PPP2R2C: variants seen among roughly 807,000 people sequenced by gnomAD.
PPP2R2C encodes the protein protein phosphatase 2 regulatory subunit Bgamma, also known as protein phosphatase 2, regulatory subunit B, gamma.
PPP2R2C carries 10 observed loss-of-function variants against 45.3 expected under a neutral mutation model. The ratio of observed to expected loss-of-function variants is 0.22; its 90% CI spans 0.14 to 0.37. PPP2R2C has a LOEUF of 0.37. PPP2R2C is among the 10% of genes least tolerant of loss of function. The pLI is 1.00. For synonymous variants in PPP2R2C, 257 were observed against 245.4 expected (o/e 1.05, Z -0.44); for missense variants, 308 against 619.7 (o/e 0.50, Z 5.34).
At position 6,332,200 on chromosome 4, in the gene PPP2R2C, G is replaced by A. The variant is rs866431975; in HGVS notation, c.960+1362C>T. ...GTGACCGGACAAGGGGCCGGAGGGG[G>A]TTGGAAATGTTCATTTCCCTGAGCT... On this transcript the variant is annotated intron_variant, in intron 7 of 8. Transcript: ENST00000382599. The surrounding 1 kb of genome is among the most constrained non-coding windows in gnomAD (Gnocchi z 4.9). Among the ~76,000 whole-genome samples, 54 of 152,320 alleles carry A rather than the reference G, an allele frequency of 3.5e-4. 1 individual carries two copies. Among genetic ancestry groups the A allele is most frequent in the Middle Eastern group, 3.4e-3 (1 of 294 alleles).
At chr4:6,355,295 A>C (rs987569192) in intron 5 of PPP2R2C, among the ~76,000 whole-genome samples, 1 of 152,140 alleles carries the variant, frequency 6.6e-6, no homozygotes. Flanking sequence ...AGCAGCTGTT[A>C]AAGTTGAGAT....
intron 1 of PPP2R2C, among the ~76,000 whole-genome samples, chr4:6,423,868 G>A (rs1438384471): frequency 6.6e-6 from 1 of 151,846 alleles, no homozygotes; most frequent in East Asian, 1.9e-4. Context: ...GCCCTTGTGT[G>A]TTTTAAGTTA....
chr4:6,421,241 G>T, intron 1 of PPP2R2C: 1 of 584,104 alleles, frequency 1.7e-6, no homozygotes, highest in Non-Finnish European at 2.2e-6. Context: ...AGTCAGGGCT[G>T]TGCATTCAAT....
chr4:6,422,973 AC>A (rs1317451414), intron 1 of PPP2R2C, among the ~76,000 whole-genome samples: 2 of 152,090 alleles, frequency 1.3e-5, no homozygotes, highest in Non-Finnish European at 2.9e-5. Flanking sequence ...TTCTACATGC[AC>A]CAACCCAATC....
At chr4:6,438,355 C>T (rs1272351078) in intron 1 of PPP2R2C, among the ~76,000 whole-genome samples, 1 of 152,198 alleles carries the variant, frequency 6.6e-6, no homozygotes, top group African/African-American at 2.4e-5. Flanking sequence ...AATGGCTGAA[C>T]ATCAAGCCTC....
At chr4:6,403,695 T>G (rs1717598613) in intron 1 of PPP2R2C, among the ~76,000 whole-genome samples, 1 of 152,026 alleles carries the variant, frequency 6.6e-6, no homozygotes, top group Non-Finnish European at 1.5e-5. Flanking sequence ...AAACCCCGCC[T>G]CTACTAAAAA....
At position 6,368,980 on chromosome 4, in the gene PPP2R2C, G is replaced by A. The variant is rs1222524437; in HGVS notation, c.625+3543C>T. Among the ~76,000 whole-genome samples, 4 of 152,132 alleles carry A rather than the reference G, an allele frequency of 2.6e-5. No individual in the cohort carries two copies. Among genetic ancestry groups the A allele is most frequent in the African/African-American group, 9.7e-5 (4 of 41,426 alleles). ...GTAATGTAATATAGATGCAGACGGG[G>A]AGACAGGATTCAATCCTTCTGATGA... On this transcript the variant is annotated intron_variant, in intron 5 of 8. Coordinates refer to ENST00000382599, the MANE Select transcript of PPP2R2C (RefSeq NM_020416.4). The surrounding 1 kb of genome is among the most constrained non-coding windows in gnomAD (Gnocchi z 4.2).
At chr4:6,511,729 G>A (rs62644668) in intron 2 of PPP2R2C, among the ~76,000 whole-genome samples, 8 of 24,926 alleles carry the variant, frequency 3.2e-4, no homozygotes, top group Non-Finnish European at 5.9e-4. Context: ...GGTGATGGTG[G>A]TGGAGGTGAT....
chr4:6,374,135 G>A (rs1275714329), intron 4 of PPP2R2C, among the ~76,000 whole-genome samples: 1 of 152,086 alleles, frequency 6.6e-6, no homozygotes, highest in Admixed American at 6.6e-5. Flanking sequence ...GCCCACCCTG[G>A]GGATCCCTGG....
intron 6 of PPP2R2C, among the ~76,000 whole-genome samples, chr4:6,346,440 C>T (rs975028151): frequency 7.2e-5 from 11 of 152,162 alleles, no homozygotes; most frequent in South Asian, 2.1e-4. Flanking sequence ...TCCCTGACCC[C>T]CTCTGTCCCT....
upstream of PPP2R2C, among the ~76,000 whole-genome samples, chr4:6,477,497 C>T (rs1049118001): frequency 3.9e-5 from 6 of 151,996 alleles, no homozygotes; most frequent in African/African-American, 7.2e-5. Context: ...GAGGCTGAGG[C>T]GGGTGGATCA....
intron 5 of PPP2R2C, among the ~76,000 whole-genome samples, chr4:6,352,313 C>T (rs1712640916): frequency 6.6e-6 from 1 of 152,148 alleles, no homozygotes; most frequent in African/African-American, 2.4e-5. Context: ...TCCCCATCTG[C>T]AAAATGAGGG....
chr4:6,536,957 C>G (rs561005135), intron 1 of PPP2R2C, among the ~76,000 whole-genome samples: 1 of 152,150 alleles, frequency 6.6e-6, no homozygotes, highest in African/African-American at 2.4e-5. Flanking sequence ...AATCCCAGCA[C>G]TTTGGGAGGC....
At chr4:6,502,491 C>T (rs1479372246) in intron 2 of PPP2R2C, among the ~76,000 whole-genome samples, 1 of 151,878 alleles carries the variant, frequency 6.6e-6, no homozygotes, top group African/African-American at 2.4e-5. Context: ...CCCTCTGTCC[C>T]TCCCTTTTTC....
chr4:6,338,020 G>T (rs1051701730), intron 6 of PPP2R2C, among the ~76,000 whole-genome samples: 1 of 151,734 alleles, frequency 6.6e-6, no homozygotes, highest in African/African-American at 2.4e-5. Context: ...CCCCGAGTAC[G>T]CACGCAAACA....
At chr4:6,465,265 AATAAG>A (rs1721535298) in intron 1 of PPP2R2C, among the ~76,000 whole-genome samples, 3 of 152,166 alleles carry the variant, frequency 2.0e-5, no homozygotes, top group Admixed American at 1.3e-4. Context: ...TAGCTTGTAA[AATAAG>A]ATAACTGTTG....
intron 2 of PPP2R2C, among the ~76,000 whole-genome samples, chr4:6,504,201 A>C (rs1723149855): frequency 6.6e-6 from 1 of 152,224 alleles, no homozygotes; most frequent in Non-Finnish European, 1.5e-5. Context: ...TATGAAGTCA[A>C]CCCAGATCTC....
At position 6,425,422 on chromosome 4, in the gene PPP2R2C, C is replaced by T. The variant is rs138780979; in HGVS notation, c.71-44328G>A. ...TCAACACCTGAAGTTCAGGAACATG[C>T]CAGCCCCTCCTCATGAGTCATGTGA... On this transcript the variant is annotated intron_variant, in intron 1 of 8. Transcript: ENST00000382599. 1.5e-3 allele frequency among the ~76,000 whole-genome samples: 230 copies of T among 152,320 alleles called. 2 individuals carry two copies. The highest frequency in any genetic ancestry group is 4.8e-3 in the African/African-American group (199 of 41,560).
intron 2 of PPP2R2C, among the ~76,000 whole-genome samples, chr4:6,481,904 G>T (rs539334593): frequency 1.3e-5 from 2 of 150,050 alleles, no homozygotes; most frequent in Non-Finnish European, 3.0e-5. Flanking sequence ...GCTTGAAGCC[G>T]GGAGGCAGAG....
Sources: gnomAD v4.1 joint callset for allele counts (sites outside exome capture counted in the v4.1 genomes callset) on GRCh38, gnomAD v4.1.1 for gene constraint, Gnocchi (gnomAD v3.1) non-coding constraint, MANE v1.5 for transcripts, NCBI Gene and HGNC (gene_info 2026-07-23, HGNC 2026-07-21) for gene names.